ATXN2: variants seen among roughly 807,000 people sequenced by gnomAD.
ATXN2 encodes ataxin-2.
ATXN2 carries 37 observed loss-of-function variants against 138.6 expected under a neutral mutation model. That is an observed-to-expected ratio of 0.27 (90% CI 0.21 to 0.35). The LOEUF is 0.35. Ranked by LOEUF, ATXN2 falls within the 10% of genes least tolerant of loss-of-function variation. The pLI, the probability that ATXN2 is intolerant of heterozygous loss-of-function variation, is 1.00. For synonymous variants in ATXN2, 549 were observed against 543.7 expected, an observed-to-expected ratio of 1.01 and a Z score of -0.13; for missense variants, 1,216 against 1,480.3, an observed-to-expected ratio of 0.82 and a Z score of 2.93.
At chr12:111,541,389 T>C (rs1233393638) in intron 5 of ATXN2, among the ~76,000 whole-genome samples, 2 of 146,158 alleles carry the variant, frequency 1.4e-5, no homozygotes, top group Admixed American at 1.4e-4. Context: ...TTTACTCTTG[T>C]TGCCCAGGCT....
chr12:111,491,677 T>C (rs1566022266), intron 14 of ATXN2, among the ~76,000 whole-genome samples: 1 of 152,026 alleles, frequency 6.6e-6, no homozygotes, highest in Non-Finnish European at 1.5e-5. Context: ...TGAAGGGAAA[T>C]ACCTAGTCCT....
At chr12:111,456,317 T>A in intron 22 of ATXN2, 61 bp from the exon 23 acceptor site, 3 of 1,566,678 alleles carry the variant, frequency 1.9e-6, no homozygotes, top group Non-Finnish European at 2.6e-6. Flanking sequence ...AGCCAAGGGA[T>A]ACCCACAAAG....
intron 18 of ATXN2, among the ~76,000 whole-genome samples, chr12:111,474,313 T>C (rs1173460369): frequency 1.3e-5 from 2 of 151,800 alleles, no homozygotes; most frequent in Non-Finnish European, 2.9e-5. Context: ...CCTAGCACTT[T>C]AGGAGGCTGA....
chr12:111,552,315 T>A lies in ATXN2; in HGVS notation c.536A>T (p.Gln179Leu), dbSNP rs768947066. The change falls in exon 5 of 25, where the codon CAG becomes CTG. Residue 179 changes from glutamine (Q) to leucine (L), a missense_variant. Transcript: ENST00000673436. The surrounding 1 kb of genome is among the most constrained non-coding windows in gnomAD (Gnocchi z 4.1). ...ATAACTGGAGTCCATATCTTTAAAC[T>A]GTACCACAACAAAGTCTGAACATTT... ...LFKCSDFVVV[Q>L]FKDMDSSYAK... 6.2e-7 allele frequency: 1 copy of A among 1,612,456 alleles called. No homozygotes were observed. The highest frequency in any genetic ancestry group is 8.5e-7 in the Non-Finnish European group (1 of 1,179,456).
chr12:111,460,013 G>A (rs766453258), intron 21 of ATXN2, among the ~76,000 whole-genome samples: 3 of 152,000 alleles, frequency 2.0e-5, no homozygotes, highest in Admixed American at 6.6e-5. Flanking sequence ...AACTGCACCC[G>A]GCCTAAAAAT....
rs888509467 is a variant in ATXN2, at chr12:111,486,837, T to G, written c.2241-13A>C. The G allele has an allele frequency of 9.3e-6, 15 of 1,607,446 alleles. No individual in the cohort carries two copies. Among genetic ancestry groups the G allele is most frequent in the Non-Finnish European group, 1.2e-5 (14 of 1,174,854 alleles). ...TTTCCTAACTTGCCTAAAAAAAATA[T>G]AAAGGCCAGTGAAATCTACATGGAC... On this transcript the variant is annotated splice_polypyrimidine_tract_variant and intron_variant, in intron 15 of 24. Coordinates refer to ENST00000673436, the MANE Select transcript of ATXN2 (RefSeq NM_001372574.1).
At chr12:111,457,644 G>A (rs772734115) in intron 21 of ATXN2, 4 of 257,414 alleles carry the variant, frequency 1.6e-5, no homozygotes, top group Non-Finnish European at 2.2e-5. Flanking sequence ...TCCCAAAAAG[G>A]CAACTTGAAG....
chr12:111,467,124 A>G (rs955450958), intron 20 of ATXN2, among the ~76,000 whole-genome samples: 2 of 151,872 alleles, frequency 1.3e-5, no homozygotes, highest in Non-Finnish European at 2.9e-5. Flanking sequence ...GGCATAGAAC[A>G]AAACAATTCT....
At chr12:111,594,506 T>G (rs1172545852) in intron 1 of ATXN2, among the ~76,000 whole-genome samples, 1 of 152,068 alleles carries the variant, frequency 6.6e-6, no homozygotes, top group Non-Finnish European at 1.5e-5. Context: ...AGCACAATTT[T>G]TAAGTTGCAA....
chr12:111,581,350 C>A, intron 1 of ATXN2: 1 of 577,872 alleles, frequency 1.7e-6, no homozygotes, highest in East Asian at 3.4e-5. Flanking sequence ...CCCCAGCAAC[C>A]CGACCACAGC....
chr12:111,535,131 A>G (rs887063286), intron 5 of ATXN2, among the ~76,000 whole-genome samples: 3 of 152,158 alleles, frequency 2.0e-5, no homozygotes, highest in African/African-American at 7.2e-5. Flanking sequence ...TTCTCAACAA[A>G]TAAATACATA....
chr12:111,478,934 G>A (rs1179314894), intron 18 of ATXN2: 3 of 207,180 alleles, frequency 1.4e-5, no homozygotes, highest in Non-Finnish European at 2.8e-5. Flanking sequence ...GCTTGAACCC[G>A]GGACAGGGAG....
At chr12:111,587,271 A>C (rs1466773675) in intron 1 of ATXN2, among the ~76,000 whole-genome samples, 1 of 152,176 alleles carries the variant, frequency 6.6e-6, no homozygotes, top group Non-Finnish European at 1.5e-5. Flanking sequence ...CTTTATAAAA[A>C]ACTAAAATTA....
chr12:111,548,236 A>G (rs1324751795), intron 5 of ATXN2, among the ~76,000 whole-genome samples: 1 of 152,194 alleles, frequency 6.6e-6, no homozygotes, highest in Non-Finnish European at 1.5e-5. Flanking sequence ...CAACTGAGAT[A>G]AACAACAAAC....
chr12:111,591,218 C>G (rs1884646951), intron 1 of ATXN2, among the ~76,000 whole-genome samples: 2 of 152,032 alleles, frequency 1.3e-5, no homozygotes, highest in Admixed American at 1.3e-4. Context: ...AAAATCATCC[C>G]CTGCCCCTAT....
intron 5 of ATXN2, among the ~76,000 whole-genome samples, chr12:111,545,060 G>A (rs949156691): frequency 1.5e-4 from 23 of 152,126 alleles, no homozygotes; most frequent in African/African-American, 5.3e-4. Context: ...TCGGGAGGCT[G>A]AGGCAGGAGA....
Position 111,453,530 on chromosome 12 carries a change from C to A in ATXN2, c.3439+147G>T. 7.2e-7 allele frequency: 1 copy of A among 1,390,430 alleles called. No individual in the cohort carries two copies. The highest frequency in any genetic ancestry group is 9.3e-7 in the Non-Finnish European group (1 of 1,074,744). 86.1% of individuals were successfully genotyped at this position (1,390,430 alleles called of 1,614,324 possible). ...CCTCAGGCCCTGATGCTGAACTGATCGTCACAGTCCCTCCTGTGCACACTC... is the reference window on the plus strand; with the variant it reads ...CCTCAGGCCCTGATGCTGAACTGATAGTCACAGTCCCTCCTGTGCACACTC... On this transcript the variant is annotated intron_variant, in intron 24 of 24. Coordinates refer to ENST00000673436, the MANE Select transcript of ATXN2 (RefSeq NM_001372574.1). The surrounding 1 kb of genome is among the most constrained non-coding windows in gnomAD (Gnocchi z 5.4).
chr12:111,573,819 AT>A (rs1443365028), intron 1 of ATXN2, among the ~76,000 whole-genome samples: 1 of 151,896 alleles, frequency 6.6e-6, no homozygotes, highest in Non-Finnish European at 1.5e-5. Flanking sequence ...TATTACCTAA[AT>A]AAAATGTTCA....
In ATXN2 at chr12:111,456,136, A is replaced by C; in HGVS notation, c.3163T>G (p.Ser1055Ala). 2 of 1,614,188 alleles carry C rather than the reference A, an allele frequency of 1.2e-6. No individual in the cohort carries two copies. Among genetic ancestry groups the C allele is most frequent in the East Asian group, 2.2e-5 (1 of 44,888 alleles). The change falls in exon 23 of 25, where the codon TCG becomes GCG. Residue 1055 changes from serine (S) to alanine (A), a missense_variant. By Grantham distance (99) the Ser-to-Ala change is moderately conservative. Coordinates refer to ENST00000673436, the MANE Select transcript of ATXN2 (RefSeq NM_001372574.1). The stretch of plus-strand genomic sequence containing the variant: ...GCTGCTGGGAAACTATTCTGTGGCG[A>C]CTGCGTGTTGGAGGCAGGTGTCATG... ...PSMTPASNTQ[S>A]PQNSFPAAQQ...
Sources: allele counts gnomAD v4.1 joint callset (sites outside exome capture counted in the v4.1 genomes callset), GRCh38; gene constraint gnomAD v4.1.1; non-coding constraint Gnocchi (gnomAD v3.1); transcripts MANE v1.5; gene names NCBI Gene and HGNC (gene_info 2026-07-23, HGNC 2026-07-21).